Variants in POLB observed in about 807,000 individuals in gnomAD.
POLB encodes 5'-dRP lyase.
Under a neutral mutation model 52.7 loss-of-function variants are expected in POLB, and 37 were observed. That is an observed-to-expected ratio of 0.70 (90% confidence interval 0.54 to 0.92). POLB has a LOEUF of 0.92. POLB is among the 40% of genes least tolerant of loss of function. The probability of loss-of-function intolerance (pLI) is 0.00; values close to 1 mark genes in which losing one functional copy is unlikely to be tolerated. For missense variants in POLB, 313 were observed against 400.8 expected, an observed-to-expected ratio of 0.78 and a Z score of 1.87; for synonymous variants, 138 against 131.3, an observed-to-expected ratio of 1.05 and a Z score of -0.35.
At position 42,370,119 on chromosome 8, in the gene POLB, C is replaced by T; in HGVS notation, c.913+131C>T. 6.6e-6 allele frequency: 5 copies of T among 753,800 alleles called. No individual in the cohort carries two copies. The East Asian group carries it at 1.1e-4, about 16-fold the overall frequency. The allele number at this position is 753,800 out of a possible 1,614,324, so 46.7% of individuals were successfully genotyped here. A position where few individuals can be genotyped will look rare whatever the true frequency, so the allele number is the denominator to read the frequency against. On this transcript the variant is annotated intron_variant, in intron 13 of 13. Transcript: ENST00000265421. Reference sequence around the variant, plus strand: ...TAGTTTCTTTGTATTTTTAGTCCTTCAGGCAACGAGAGAGGATTTAATGCA... The same window carrying T: ...TAGTTTCTTTGTATTTTTAGTCCTTTAGGCAACGAGAGAGGATTTAATGCA...
rs187939532 is a variant in POLB at position 42,369,440 on chromosome 8, T to C, written c.773+105T>C. The C allele has an allele frequency of 4.3e-4, 285 of 661,882 alleles. 2 individuals are homozygous for C. The Middle Eastern group carries it at 6.9e-3, about 16-fold the overall frequency. 41.0% of individuals were successfully genotyped at this position (661,882 alleles called of 1,614,324 possible). On this transcript the variant is annotated intron_variant, in intron 12 of 13. Transcript: ENST00000265421. ...GTTCACATTCATATCTAGAGCCTTT[T>C]TTTACTCCCAAGAGCCATATGTTCT...
At chr8:42,345,238 T>C (rs965422352) in intron 3 of POLB, among the ~76,000 whole-genome samples, 1 of 152,238 alleles carries the variant, frequency 6.6e-6, no homozygotes, top group Non-Finnish European at 1.5e-5. Context: ...TTTAAAAATA[T>C]ATGTAATTAC....
intron 11 of POLB, 21 bp from the exon 12 acceptor site, chr8:42,369,250 G>T (rs1471934431): frequency 6.9e-7 from 1 of 1,445,604 alleles, no homozygotes; most frequent in Non-Finnish European, 9.7e-7. Flanking sequence ...CTTTAAACTT[G>T]GTTTAAAATG....
At chr8:42,343,569 C>A (rs2976239) in intron 2 of POLB, among the ~76,000 whole-genome samples, 132,166 of 150,232 alleles carry the variant, frequency 0.88, 59,364 homozygotes, top group East Asian at 0.99. Context: ...TAATAATTCA[C>A]ATGTGGCACA....
At chr8:42,366,417 T>G (rs1324524303) in intron 11 of POLB, among the ~76,000 whole-genome samples, 2 of 152,212 alleles carry the variant, frequency 1.3e-5, no homozygotes, top group African/African-American at 4.8e-5. Flanking sequence ...TTTTAAAGTA[T>G]AGAAGATTCA....
intron 11 of POLB, among the ~76,000 whole-genome samples, chr8:42,367,916 T>G (rs1208291027): frequency 6.6e-6 from 1 of 152,174 alleles, no homozygotes; most frequent in Non-Finnish European, 1.5e-5. Flanking sequence ...ATATCTGCAG[T>G]AAGAATTCAA....
At chr8:42,352,943 A>T (rs929501492) in intron 6 of POLB, among the ~76,000 whole-genome samples, 1 of 151,298 alleles carries the variant, frequency 6.6e-6, no homozygotes, top group African/African-American at 2.4e-5. Flanking sequence ...GTGTGGTGGC[A>T]GGCACCTGTA....
chr8:42,364,195 G>A (rs1277866602), intron 11 of POLB, among the ~76,000 whole-genome samples: 1 of 152,026 alleles, frequency 6.6e-6, no homozygotes, highest in Admixed American at 6.6e-5. Context: ...CCAAAGTACT[G>A]GGATTGCAGG....
intron 3 of POLB, among the ~76,000 whole-genome samples, chr8:42,348,111 G>A (rs3136742): frequency 1.1e-3 from 168 of 152,308 alleles, no homozygotes; most frequent in African/African-American, 2.2e-3. Context: ...CAGCCTTTCT[G>A]AAGGCTGCTT....
chr8:42,353,376 G>A (rs1040988832), intron 6 of POLB, among the ~76,000 whole-genome samples: 1 of 151,530 alleles, frequency 6.6e-6, no homozygotes, highest in African/African-American at 2.4e-5. Flanking sequence ...CCAAAGTGCT[G>A]GGATTACAGG....
chr8:42,338,636 G>A lies in POLB; in HGVS notation c.12G>A (p.Arg4=), dbSNP rs1321879402. Reference sequence around the variant, plus strand: ...GGGTGCAGGCCGCCATGAGCAAACGGAAGGCGCCGCAGGAGACTCTCAACG... The same window carrying A: ...GGGTGCAGGCCGCCATGAGCAAACGAAAGGCGCCGCAGGAGACTCTCAACG... MSK[R]KAPQETLNGG... Residue 4 remains arginine (R), a synonymous_variant, in exon 1 of 14, where the codon CGG becomes CGA. Transcript: ENST00000265421. 9 of 1,614,072 alleles carry A rather than the reference G, an allele frequency of 5.6e-6. No homozygotes were observed. The highest frequency in any genetic ancestry group is 5.0e-5 in the Admixed American group (3 of 60,008).
chr8:42,338,836 C>CTGGT, intron 1 of POLB, 151 bp downstream of exon 1: 2 of 987,928 alleles, frequency 2.0e-6, no homozygotes, highest in South Asian at 2.8e-5. Context: ...GCGCCCCTGG[C>CTGGT]TGGTTGTCAG....
chr8:42,348,581 T>TA (rs1432433094), intron 3 of POLB, among the ~76,000 whole-genome samples: 1 of 152,180 alleles, frequency 6.6e-6, no homozygotes, highest in East Asian at 1.9e-4. Flanking sequence ...GGGTGGGACT[T>TA]ACATTCTGTG....
chr8:42,356,699 A>G (rs546588538), intron 7 of POLB, among the ~76,000 whole-genome samples: 25 of 152,064 alleles, frequency 1.6e-4, no homozygotes, highest in African/African-American at 5.5e-4. Flanking sequence ...GAAGTCATAC[A>G]GTATGTGGTC....
intron 3 of POLB, among the ~76,000 whole-genome samples, chr8:42,345,443 A>G (rs374777114): frequency 4.6e-5 from 7 of 152,316 alleles, no homozygotes; most frequent in South Asian, 4.1e-4. Context: ...TAATAAGCAC[A>G]TGATTAAGAC....
At position 42,344,945 on chromosome 8, in the gene POLB, C is replaced by G. The variant is rs1585872715; in HGVS notation, c.120-8C>G. On this transcript the variant is annotated splice_region_variant and splice_polypyrimidine_tract_variant and intron_variant, in intron 2 of 13. Transcript: ENST00000265421. ...CTAATTGGTTTTCCTTTTCTTCTTTCCTTATAGAAAAGCAGCATCTGTTAT... is the reference window on the plus strand; with the variant it reads ...CTAATTGGTTTTCCTTTTCTTCTTTGCTTATAGAAAAGCAGCATCTGTTAT... 1.9e-6 allele frequency: 3 copies of G among 1,569,768 alleles called. No homozygotes were observed. Among genetic ancestry groups the G allele is most frequent in the East Asian group, 2.2e-5 (1 of 44,608 alleles).
At chr8:42,350,217 C>T (rs1215263123) in intron 5 of POLB, 152 bp downstream of exon 5, 2 of 654,300 alleles carry the variant, frequency 3.1e-6, no homozygotes, top group Non-Finnish European at 5.5e-6. Flanking sequence ...TGATCTGAGG[C>T]CGATTCTTCA....
At chr8:42,361,220 G>C (rs936940529) in intron 9 of POLB, 75 bp from the exon 10 acceptor site, 2 of 960,100 alleles carry the variant, frequency 2.1e-6, no homozygotes, top group African/African-American at 3.2e-5. Context: ...TCTTCTGTGT[G>C]TCATCAGCTT....
At chr8:42,365,930 T>A (rs1275983716) in intron 11 of POLB, among the ~76,000 whole-genome samples, 5 of 151,936 alleles carry the variant, frequency 3.3e-5, no homozygotes, top group African/African-American at 1.2e-4. Flanking sequence ...TGAAACCCCA[T>A]CTCTACTAAA....
Sources: allele counts gnomAD v4.1 joint callset (sites outside exome capture counted in the v4.1 genomes callset), GRCh38; gene constraint gnomAD v4.1.1; transcripts MANE v1.5; gene names NCBI Gene and HGNC (gene_info 2026-07-23, HGNC 2026-07-21).